The following PTPRD variants were observed in gnomAD, a reference collection of about 807,000 sequenced individuals.
PTPRD encodes receptor-type tyrosine-protein phosphatase delta.
PTPRD carries 34 observed loss-of-function variants against 214.5 expected under a neutral mutation model. The observed-to-expected ratio is 0.16, with a 90% CI of 0.12 to 0.21. The LOEUF (loss-of-function observed/expected upper bound fraction) is 0.21. Among genes scored for constraint, PTPRD ranks in the 10% least tolerant of loss-of-function variants. The pLI is 1.00. For synonymous variants in PTPRD, 1,128 were observed against 845.7 expected (o/e 1.33, Z -5.79); for missense variants, 2,545 against 2,398.7 (o/e 1.06, Z -1.27).
intron 10 of PTPRD, among the ~76,000 whole-genome samples, chr9:9,127,067 A>T (rs1662358032): frequency 6.6e-6 from 1 of 151,442 alleles, no homozygotes; most frequent in South Asian, 2.1e-4. Context: ...AACCCAGAAC[A>T]GGTTGCCATC....
intron 10 of PTPRD, among the ~76,000 whole-genome samples, chr9:9,125,168 C>G (rs189401893): frequency 6.6e-6 from 1 of 152,286 alleles, no homozygotes; most frequent in Non-Finnish European, 1.5e-5. Flanking sequence ...GAGCAGCTAT[C>G]CTTAGCAGAA....
intron 2 of PTPRD, among the ~76,000 whole-genome samples, chr9:10,542,778 G>C (rs901424841): frequency 2.6e-5 from 4 of 152,010 alleles, no homozygotes; most frequent in African/African-American, 9.7e-5. Context: ...GAGTGCAATG[G>C]TGTGATCTTG....
At chr9:9,927,965 G>C (rs951255862) in intron 5 of PTPRD, among the ~76,000 whole-genome samples, 1 of 147,540 alleles carries the variant, frequency 6.8e-6, no homozygotes, top group Non-Finnish European at 1.5e-5. Context: ...AGTTGTTTGG[G>C]TACAACTAAC....
At chr9:8,732,265 G>A (rs770352546) in intron 12 of PTPRD, among the ~76,000 whole-genome samples, 52 of 152,232 alleles carry the variant, frequency 3.4e-4, no homozygotes, top group Non-Finnish European at 6.3e-4. Context: ...TAGTTATCTG[G>A]AAATATAACT....
chr9:9,428,601 T>A (rs1017314282), intron 8 of PTPRD, among the ~76,000 whole-genome samples: 1 of 152,196 alleles, frequency 6.6e-6, no homozygotes, highest in Non-Finnish European at 1.5e-5. Context: ...AGAATATACA[T>A]TCTTCTCAGC....
intron 2 of PTPRD, among the ~76,000 whole-genome samples, chr9:10,459,896 A>T (rs2098946030): frequency 6.6e-6 from 1 of 151,928 alleles, no homozygotes; most frequent in Non-Finnish European, 1.5e-5. Flanking sequence ...TTAATAGTAT[A>T]GTTTCTCCTT....
intron 7 of PTPRD, among the ~76,000 whole-genome samples, chr9:9,726,576 G>A (rs534790699): frequency 6.6e-6 from 1 of 152,202 alleles, no homozygotes; most frequent in African/African-American, 2.4e-5. Flanking sequence ...AACTTATTGT[G>A]TAATATTTCA....
chr9:9,355,078 T>C (rs747197298), intron 9 of PTPRD, among the ~76,000 whole-genome samples: 9 of 151,724 alleles, frequency 5.9e-5, no homozygotes, highest in Non-Finnish European at 1.2e-4. Context: ...AGACCACTCT[T>C]GCAGCTTTAT....
Position 8,492,846 on chromosome 9 carries a change from G to A in PTPRD, c.2467+16C>T, listed in dbSNP as rs2136298476. Reference sequence around the variant, plus strand: ...GTATTACTGTTCAAGGCACATACATGCACAGACATGATTACCTGCCCCAGT... The same window carrying A: ...GTATTACTGTTCAAGGCACATACATACACAGACATGATTACCTGCCCCAGT... On this transcript the variant is annotated intron_variant, in intron 27 of 45. Coordinates refer to ENST00000381196, the MANE Select transcript of PTPRD (RefSeq NM_002839.4). The A allele has an allele frequency of 1.3e-6, 2 of 1,587,712 alleles. No individual in the cohort carries two copies. Among genetic ancestry groups the A allele is most frequent in the Non-Finnish European group, 1.7e-6 (2 of 1,156,416 alleles).
At chr9:9,205,687 A>T (rs2099944418) in intron 9 of PTPRD, among the ~76,000 whole-genome samples, 1 of 152,132 alleles carries the variant, frequency 6.6e-6, no homozygotes, top group African/African-American at 2.4e-5. Context: ...ATATTTCTGT[A>T]TGCTGTAATT....
At chr9:9,140,071 A>C (rs895243528) in intron 10 of PTPRD, among the ~76,000 whole-genome samples, 4 of 152,066 alleles carry the variant, frequency 2.6e-5, no homozygotes, top group Non-Finnish European at 4.4e-5. Context: ...AGGAAACCAA[A>C]GTCAATGAGC....
chr9:9,235,957 G>A (rs1038248434), intron 9 of PTPRD, among the ~76,000 whole-genome samples: 1 of 151,964 alleles, frequency 6.6e-6, no homozygotes, highest in Non-Finnish European at 1.5e-5. Flanking sequence ...AACAATAAGG[G>A]GTTATATTTA....
chr9:8,419,587 C>T (rs147497599), intron 35 of PTPRD, among the ~76,000 whole-genome samples: 1 of 151,358 alleles, frequency 6.6e-6, no homozygotes, highest in African/African-American at 2.4e-5. Flanking sequence ...TCATCTTAAC[C>T]AATGATTTAC....
At chr9:9,232,751 T>C (rs1347783803) in intron 9 of PTPRD, among the ~76,000 whole-genome samples, 1 of 152,108 alleles carries the variant, frequency 6.6e-6, no homozygotes, top group Non-Finnish European at 1.5e-5. Context: ...CACTATGACA[T>C]GTTTAGTACT....
At chr9:9,924,630 A>G (rs1367753000) in intron 5 of PTPRD, among the ~76,000 whole-genome samples, 3 of 152,218 alleles carry the variant, frequency 2.0e-5, no homozygotes, top group Middle Eastern at 6.8e-3. Flanking sequence ...TAAAAGAAAC[A>G]TGGTCCTGTG....
intron 8 of PTPRD, among the ~76,000 whole-genome samples, chr9:9,401,351 A>G (rs2070386480): frequency 6.6e-6 from 1 of 152,034 alleles, no homozygotes; most frequent in Non-Finnish European, 1.5e-5. Flanking sequence ...TTCTAATTAC[A>G]TCAGATTTCT....
intron 35 of PTPRD, among the ~76,000 whole-genome samples, chr9:8,417,691 T>C (rs1031119753): frequency 6.6e-6 from 1 of 152,124 alleles, no homozygotes; most frequent in African/African-American, 2.4e-5. Context: ...TCAAGTATTC[T>C]ATTAACTACT....
chr9:9,119,062 A>G, intron 10 of PTPRD, among the ~76,000 whole-genome samples: 1 of 152,176 alleles, frequency 6.6e-6, no homozygotes, highest in East Asian at 1.9e-4. Flanking sequence ...ATGGGGACAA[A>G]TGTAATCTTT....
At chr9:9,595,423 C>T (rs2093240401) in intron 7 of PTPRD, among the ~76,000 whole-genome samples, 1 of 145,428 alleles carries the variant, frequency 6.9e-6, no homozygotes. Context: ...TACAAATGTA[C>T]ACATATACAC....
Sources: gnomAD v4.1 joint callset for allele counts (sites outside exome capture counted in the v4.1 genomes callset) on GRCh38, gnomAD v4.1.1 for gene constraint, MANE v1.5 for transcripts, NCBI Gene and HGNC (gene_info 2026-07-23, HGNC 2026-07-21) for gene names.